Variants in SMARCA1 observed in about 807,000 individuals in gnomAD.
SMARCA1 encodes the protein SWI/SNF-related matrix-associated actin-dependent regulator of chromatin subfamily A member 1.
In SMARCA1, 17 loss-of-function variants were observed where a neutral mutation model predicts 93.6. The ratio of observed to expected loss-of-function variants is 0.18; its 90% CI spans 0.12 to 0.27. The LOEUF is 0.27. Ranked by LOEUF, SMARCA1 falls within the 10% of genes least tolerant of loss-of-function variation. The pLI is 1.00. For missense variants in SMARCA1, 630 were observed against 819.0 expected (o/e 0.77, Z 2.82); for synonymous variants, 271 against 271.4 (o/e 1.00, Z 0.01).
chrX:129,523,054 C>T (rs891112114), intron 1 of SMARCA1, 143 bp downstream of exon 1: 27 of 629,155 alleles, frequency 4.3e-5, no homozygotes, highest in Non-Finnish European at 6.1e-5. Flanking sequence ...CCAGGCGGTT[C>T]CGCCGCCGAC....
chrX:129,478,531 C>T (rs909040418), intron 19 of SMARCA1, among the ~76,000 whole-genome samples: 9 of 111,002 alleles, frequency 8.1e-5, no homozygotes, highest in African/African-American at 2.9e-4. Context: ...CCCTTAACAG[C>T]TGTCCCTTCA....
intron 21 of SMARCA1, among the ~76,000 whole-genome samples, chrX:129,468,010 T>C (rs1468868312): frequency 8.9e-6 from 1 of 112,552 alleles, no homozygotes; most frequent in Non-Finnish European, 1.9e-5. Flanking sequence ...CTAGACATAT[T>C]TACCTATTTT....
At chrX:129,483,839 A>G (rs1042468083) in intron 17 of SMARCA1, among the ~76,000 whole-genome samples, 1 of 112,443 alleles carries the variant, frequency 8.9e-6, no homozygotes, top group African/African-American at 3.2e-5. Context: ...CTGATTCAAC[A>G]AACCATATAT....
At chrX:129,517,353 T>C (rs950825788) in intron 2 of SMARCA1, among the ~76,000 whole-genome samples, 6 of 110,795 alleles carry the variant, frequency 5.4e-5, no homozygotes, top group African/African-American at 2.0e-4. Context: ...ATAAAGACTA[T>C]TTATTTATTC....
At chrX:129,499,592 G>A in intron 10 of SMARCA1, 140 bp downstream of exon 10, 1 of 340,182 alleles carries the variant, frequency 2.9e-6, no homozygotes, top group Non-Finnish European at 5.3e-6. Context: ...AATTTTCTCT[G>A]AAAATATCTG....
chrX:129,490,537 G>C (rs969209172), intron 14 of SMARCA1, among the ~76,000 whole-genome samples: 6 of 111,839 alleles, frequency 5.4e-5, no homozygotes, highest in African/African-American at 1.9e-4. Context: ...AAGTAGTTAG[G>C]GTTGCTATGG....
At chrX:129,464,942 C>T (rs1932872142) in intron 23 of SMARCA1, among the ~76,000 whole-genome samples, 2 of 111,737 alleles carry the variant, frequency 1.8e-5, no homozygotes, top group African/African-American at 6.5e-5. Flanking sequence ...AGACAACTAG[C>T]CTGGACACCT....
At chrX:129,447,499 A>C (rs749824375) in intron 24 of SMARCA1, among the ~76,000 whole-genome samples, 25 of 112,046 alleles carry the variant, frequency 2.2e-4, no homozygotes, top group Non-Finnish European at 3.0e-4. Context: ...ATGGTATTAT[A>C]AATGTACTCT....
chrX:129,489,145 T>A (rs1187194298), intron 15 of SMARCA1, 60 bp from the exon 16 acceptor site: 7 of 752,289 alleles, frequency 9.3e-6, no homozygotes, highest in Non-Finnish European at 1.4e-5. Flanking sequence ...GAAGGCATAA[T>A]CATTCTAATC....
chrX:129,489,757 C>T (rs979177875), intron 15 of SMARCA1, among the ~76,000 whole-genome samples: 1 of 111,802 alleles, frequency 8.9e-6, no homozygotes, highest in Non-Finnish European at 1.9e-5. Flanking sequence ...CAGGGATTCA[C>T]CATGTTGGCC....
At chrX:129,454,173 C>G (rs1428661808) in intron 23 of SMARCA1, among the ~76,000 whole-genome samples, 1 of 111,453 alleles carries the variant, frequency 9.0e-6, no homozygotes, top group Non-Finnish European at 1.9e-5. Context: ...ACAAACCTGA[C>G]AAAAACAAGC....
At chrX:129,515,575 A>G in intron 5 of SMARCA1, 112 bp downstream of exon 5, 1 of 523,238 alleles carries the variant, frequency 1.9e-6, no homozygotes, top group South Asian at 2.8e-5. Flanking sequence ...TTACATGATA[A>G]CAACTTTTAA....
intron 12 of SMARCA1, among the ~76,000 whole-genome samples, chrX:129,494,553 C>T (rs962954375): frequency 1.8e-5 from 2 of 111,261 alleles, no homozygotes; most frequent in Non-Finnish European, 1.9e-5. Context: ...ACACAAGGAA[C>T]GGAGTGCCCA....
intron 19 of SMARCA1, among the ~76,000 whole-genome samples, chrX:129,475,923 C>G (rs1259375995): frequency 8.9e-6 from 1 of 112,340 alleles, no homozygotes; most frequent in Non-Finnish European, 1.9e-5. Context: ...CCAAAACTCA[C>G]AAAGATTATG....
At chrX:129,508,581 G>A (rs541962782) in intron 6 of SMARCA1, among the ~76,000 whole-genome samples, 44 of 112,097 alleles carry the variant, frequency 3.9e-4, no homozygotes, top group African/African-American at 1.4e-3. Context: ...TTTCTAGCTG[G>A]GCTGACTCAT....
intron 9 of SMARCA1, among the ~76,000 whole-genome samples, chrX:129,501,352 G>A (rs1934548881): frequency 9.2e-6 from 1 of 109,246 alleles, no homozygotes; most frequent in Non-Finnish European, 1.9e-5. Context: ...CTGGAATGCA[G>A]TGGGGCAATC....
intron 23 of SMARCA1, among the ~76,000 whole-genome samples, chrX:129,459,025 TGA>T (rs1299783019): frequency 1.8e-5 from 2 of 112,474 alleles, no homozygotes; most frequent in African/African-American, 6.5e-5. Context: ...GGCAGTTATA[TGA>T]GAGTTAATAT....
At chrX:129,469,890 T>A (rs1366429179) in intron 20 of SMARCA1, among the ~76,000 whole-genome samples, 1 of 112,064 alleles carries the variant, frequency 8.9e-6, no homozygotes, top group Non-Finnish European at 1.9e-5. Context: ...GAAATACATT[T>A]TGAAAATAGA....
intron 9 of SMARCA1, among the ~76,000 whole-genome samples, chrX:129,503,975 A>AG (rs948849682): frequency 1.9e-5 from 2 of 106,820 alleles, no homozygotes; most frequent in African/African-American, 6.9e-5. Flanking sequence ...AAAAAAAAAA[A>AG]AAAAAAGAAA....
Sources: gnomAD v4.1 joint callset for allele counts (sites outside exome capture counted in the v4.1 genomes callset) on GRCh38, gnomAD v4.1.1 for gene constraint, MANE v1.5 for transcripts, NCBI Gene and HGNC (gene_info 2026-07-23, HGNC 2026-07-21) for gene names.